Variants in MAGI3 observed in about 807,000 individuals in gnomAD.
MAGI3 encodes membrane-associated guanylate kinase, WW and PDZ domain-containing protein 3.
A neutral mutation model predicts 121.8 loss-of-function variants in MAGI3; 43 were observed. The observed-to-expected ratio is 0.35, with a 90% CI of 0.28 to 0.46. The LOEUF is 0.46. Ranked by LOEUF, MAGI3 falls within the 20% of genes least tolerant of loss-of-function variation. MAGI3 has a pLI of 1.00. For missense variants in MAGI3, 1,547 were observed against 1,797.3 expected, an observed-to-expected ratio of 0.86 and a Z score of 2.52; for synonymous variants, 553 against 639.3, an observed-to-expected ratio of 0.86 and a Z score of 2.04.
At chr1:113,637,656 C>T (rs1477438256) in intron 9 of MAGI3, among the ~76,000 whole-genome samples, 2 of 152,014 alleles carry the variant, frequency 1.3e-5, no homozygotes, top group South Asian at 2.1e-4. Context: ...TCTGGCTGCC[C>T]TTAACATTTT....
chr1:113,623,445 C>CACCCACAT (rs1650979630), intron 9 of MAGI3, among the ~76,000 whole-genome samples: 2 of 78,664 alleles, frequency 2.5e-5, no homozygotes, highest in Non-Finnish European at 5.1e-5. Context: ...CATATATATA[C>CACCCACAT]ACACACATAC....
intron 2 of MAGI3, among the ~76,000 whole-genome samples, chr1:113,565,097 G>T (rs1323021808): frequency 2.6e-5 from 4 of 151,864 alleles, no homozygotes; most frequent in African/African-American, 9.7e-5. Flanking sequence ...TGATCCGCCC[G>T]CCTCAGCCTC....
chr1:113,416,389 TATTA>T lies in MAGI3; in HGVS notation c.316+25045_316+25048del, dbSNP rs1215404968. Among the ~76,000 whole-genome samples, 159 of 68,108 alleles carry T rather than the reference TATTA, an allele frequency of 2.3e-3. 1 individual carries two copies. Among genetic ancestry groups the T allele is most frequent in the African/African-American group, 7.9e-3 (151 of 19,206 alleles). The allele number at this position is 68,108 out of a possible 152,430, so 44.7% of individuals were successfully genotyped here. A position where few individuals can be genotyped will look rare whatever the true frequency, so the allele number is the denominator to read the frequency against. ...ATTATATTAATATATTAATAATATA[TATTA>T]ATTATTAATTAATTAATAATTAATA... On this transcript the variant is annotated intron_variant, in intron 1 of 20. Transcript: ENST00000307546.
chr1:113,671,577 G>A (rs889183350), intron 16 of MAGI3, among the ~76,000 whole-genome samples, 157 bp from the exon 17 acceptor site: 3 of 152,194 alleles, frequency 2.0e-5, no homozygotes, highest in Non-Finnish European at 4.4e-5. Flanking sequence ...ATGTTAATGC[G>A]CCAGTTCCAG....
At chr1:113,412,140 G>C (rs1652035153) in intron 1 of MAGI3, among the ~76,000 whole-genome samples, 2 of 150,886 alleles carry the variant, frequency 1.3e-5, no homozygotes, top group Admixed American at 1.3e-4. Context: ...TTCTGTCCTT[G>C]TGATAGTTTG....
chr1:113,520,747 C>T (rs1387220809), intron 1 of MAGI3, among the ~76,000 whole-genome samples: 9 of 151,842 alleles, frequency 5.9e-5, no homozygotes, highest in Non-Finnish European at 8.8e-5. Flanking sequence ...GGATTACAGG[C>T]GTAAGCCACC....
At chr1:113,608,396 C>T (rs927650715) in intron 6 of MAGI3, among the ~76,000 whole-genome samples, 2 of 152,136 alleles carry the variant, frequency 1.3e-5, no homozygotes, top group Non-Finnish European at 2.9e-5. Flanking sequence ...AGTTTATAGT[C>T]AATAGAGAAA....
chr1:113,683,902 A>G lies in MAGI3; in HGVS notation c.4334A>G (p.Lys1445Arg). ...AAAAACAAAGAGACTGGAAGGTTCA[A>G]ACCGGAAAGCAGTTCTCCAGTTAAG... ...ADKNKETGRF[K>R]PESSSPVKKT... Residue 1445 changes from lysine (K) to arginine (R), a missense_variant, in exon 21 of 21, where the codon AAA becomes AGA. Physicochemically the swap from Lys to Arg is conservative, Grantham distance 26. Coordinates refer to ENST00000307546, the MANE Select transcript of MAGI3 (RefSeq NM_001142782.2). 2 of 1,612,166 alleles carry G rather than the reference A, an allele frequency of 1.2e-6. No homozygotes were observed. Among genetic ancestry groups the G allele is most frequent in the Non-Finnish European group, 1.7e-6 (2 of 1,179,120 alleles).
chr1:113,579,569 T>G (rs1647876257), intron 2 of MAGI3, among the ~76,000 whole-genome samples: 1 of 152,104 alleles, frequency 6.6e-6, no homozygotes, highest in Admixed American at 6.5e-5. Context: ...TTTGTTTGTT[T>G]CCTCAGACTG....
chr1:113,404,086 A>G (rs940148636), intron 1 of MAGI3: 1 of 152,102 alleles, frequency 6.6e-6, no homozygotes, highest in Non-Finnish European at 1.5e-5. Flanking sequence ...GTTAGCTTGT[A>G]TCTCTCCCAC....
chr1:113,680,369 A>G (rs1158639099), intron 19 of MAGI3, among the ~76,000 whole-genome samples: 1 of 152,212 alleles, frequency 6.6e-6, no homozygotes, highest in African/African-American at 2.4e-5. Flanking sequence ...GCGAGAGTTG[A>G]TAAGAGGACA....
At chr1:113,611,018 TG>T (rs201939102) in intron 6 of MAGI3, among the ~76,000 whole-genome samples, 1,972 of 152,224 alleles carry the variant, frequency 0.013, 45 homozygotes, top group African/African-American at 0.045. Context: ...ATATATCATC[TG>T]TCTCCTAAAT....
At chr1:113,571,678 A>G (rs944574793) in intron 2 of MAGI3, among the ~76,000 whole-genome samples, 3 of 152,202 alleles carry the variant, frequency 2.0e-5, no homozygotes, top group South Asian at 2.1e-4. Flanking sequence ...TTCACTCATG[A>G]TTTGGCTCTC....
intron 1 of MAGI3, among the ~76,000 whole-genome samples, chr1:113,418,847 A>G (rs1049950635): frequency 1.3e-5 from 2 of 152,154 alleles, no homozygotes; most frequent in African/African-American, 4.8e-5. Flanking sequence ...TGACTAGTAC[A>G]CTAAACTTTA....
chr1:113,398,845 A>G (rs1473997745), intron 1 of MAGI3, among the ~76,000 whole-genome samples: 1 of 151,906 alleles, frequency 6.6e-6, no homozygotes, highest in East Asian at 1.9e-4. Flanking sequence ...TACTCTTTGG[A>G]TATGGTTATC....
chr1:113,604,070 A>G (rs562991321), intron 6 of MAGI3, among the ~76,000 whole-genome samples: 1 of 152,324 alleles, frequency 6.6e-6, no homozygotes, highest in South Asian at 2.1e-4. Flanking sequence ...GGAAAACAGT[A>G]TGGAGCATTC....
At chr1:113,414,441 C>G (rs1018152571) in intron 1 of MAGI3, among the ~76,000 whole-genome samples, 1 of 152,202 alleles carries the variant, frequency 6.6e-6, no homozygotes, top group East Asian at 1.9e-4. Context: ...GAAATAGTTT[C>G]AGAAGGAACG....
At chr1:113,490,519 ACATACT>A (rs1180847390) in intron 1 of MAGI3, among the ~76,000 whole-genome samples, 1 of 152,242 alleles carries the variant, frequency 6.6e-6, no homozygotes, top group African/African-American at 2.4e-5. Context: ...TCAGATCCAA[ACATACT>A]AATACTAACC....
Position 113,682,955 on chromosome 1 carries a change from A to G in MAGI3, c.3387A>G (p.Pro1129=). 1 of 1,612,692 alleles carries G rather than the reference A, an allele frequency of 6.2e-7. No homozygotes were observed. Among genetic ancestry groups the G allele is most frequent in the Non-Finnish European group, 8.5e-7 (1 of 1,179,554 alleles). Residue 1129 remains proline (P), a synonymous_variant, in exon 21 of 21, where the codon CCA becomes CCG. Coordinates refer to ENST00000307546, the MANE Select transcript of MAGI3 (RefSeq NM_001142782.2). ...ATGTGATTTATGATGAACAGTCACC[A>G]TTACCCCCATCTTCACATTTTGCTT... is the stretch of plus-strand genomic sequence containing the variant. ...SSNVIYDEQS[P]LPPSSHFASI... is the part of the protein sequence containing the mutation.
Sources: gnomAD v4.1 joint callset for allele counts (sites outside exome capture counted in the v4.1 genomes callset) on GRCh38, gnomAD v4.1.1 for gene constraint, MANE v1.5 for transcripts, NCBI Gene and HGNC (gene_info 2026-07-23, HGNC 2026-07-21) for gene names.